The following RBFOX1 variants were observed in gnomAD, a reference collection of about 807,000 sequenced individuals.
RBFOX1 encodes the protein RNA binding protein fox-1 homolog 1.
A neutral mutation model predicts 57.7 loss-of-function variants in RBFOX1; 8 were observed. The ratio of observed to expected loss-of-function variants is 0.14; its 90% confidence interval spans 0.08 to 0.25. The LOEUF is 0.25. Among genes scored for constraint, RBFOX1 ranks in the 10% least tolerant of loss-of-function variants. The pLI is 1.00. For missense variants in RBFOX1, 611 were observed against 548.5 expected (o/e 1.11, Z -1.14); for synonymous variants, 326 against 222.4 (o/e 1.47, Z -4.15).
chr16:5,751,153 G>C (rs868555498), intron 3 of RBFOX1, among the ~76,000 whole-genome samples: 1 of 152,148 alleles, frequency 6.6e-6, no homozygotes, highest in Non-Finnish European at 1.5e-5. Flanking sequence ...AAGAAATTCT[G>C]CTTTCTGTTC....
At chr16:7,181,534 C>T (rs899015328) in intron 4 of RBFOX1, among the ~76,000 whole-genome samples, 1 of 148,016 alleles carries the variant, frequency 6.8e-6, no homozygotes, top group Non-Finnish European at 1.5e-5. Flanking sequence ...CCCTCCCTTG[C>T]TCTCTCTCTC....
At chr16:6,813,173 C>G (rs2089189923) in intron 3 of RBFOX1, among the ~76,000 whole-genome samples, 1 of 151,818 alleles carries the variant, frequency 6.6e-6, no homozygotes, top group Admixed American at 6.6e-5. Flanking sequence ...GCCACAATGA[C>G]TTCCTATAAC....
At position 6,932,082 on chromosome 16, in the gene RBFOX1, G is replaced by C. The variant is rs75751466; in HGVS notation, c.-15-119975G>C. On this transcript the variant is annotated intron_variant, in intron 3 of 15. Coordinates refer to ENST00000550418, the MANE Select transcript of RBFOX1 (RefSeq NM_018723.4). ...GAGCCTTCATGACCTGATCATCTTG[G>C]TTTTTGTTGTTGTTGTTTTTTGTTG... Among the ~76,000 whole-genome samples, 593 of 152,098 alleles carry C rather than the reference G, an allele frequency of 3.9e-3. 4 individuals carry two copies. Among genetic ancestry groups the C allele is most frequent in the African/African-American group, 0.014 (564 of 41,502 alleles).
intron 5 of RBFOX1, among the ~76,000 whole-genome samples, chr16:7,574,580 G>T (rs1210879370): frequency 6.6e-6 from 1 of 152,150 alleles, no homozygotes; most frequent in African/African-American, 2.4e-5. Context: ...AGAGTTGTAG[G>T]CTGGAAGACT....
chr16:6,659,044 C>T (rs770058409), intron 3 of RBFOX1, among the ~76,000 whole-genome samples: 4 of 151,398 alleles, frequency 2.6e-5, no homozygotes, highest in Non-Finnish European at 4.4e-5. Flanking sequence ...TGTATGGCCT[C>T]ACAAAACCCG....
chr16:5,984,400 A>C (rs923814618), intron 4 of RBFOX1, among the ~76,000 whole-genome samples: 2 of 151,662 alleles, frequency 1.3e-5, no homozygotes, highest in African/African-American at 4.8e-5. Context: ...GAAGCAAAGA[A>C]GGAAAACTGC....
At chr16:7,105,525 A>G (rs1206415131) in intron 4 of RBFOX1, among the ~76,000 whole-genome samples, 4 of 151,910 alleles carry the variant, frequency 2.6e-5, no homozygotes, top group Non-Finnish European at 5.9e-5. Flanking sequence ...TGTCATTCTT[A>G]TGCCTTTGCT....
chr16:7,524,470 C>G (rs1293944217), intron 5 of RBFOX1, among the ~76,000 whole-genome samples: 3 of 152,236 alleles, frequency 2.0e-5, no homozygotes, highest in Non-Finnish European at 2.9e-5. Flanking sequence ...GATACTGTTC[C>G]TGACAAGGTA....
At chr16:6,835,834 C>T (rs779178857) in intron 3 of RBFOX1, among the ~76,000 whole-genome samples, 23 of 147,838 alleles carry the variant, frequency 1.6e-4, no homozygotes, top group Admixed American at 1.1e-3. Flanking sequence ...GACAGTTCTA[C>T]TCCATAATGT....
chr16:7,599,364 G>A (rs1429958373), intron 9 of RBFOX1, among the ~76,000 whole-genome samples: 2 of 152,206 alleles, frequency 1.3e-5, no homozygotes, highest in African/African-American at 4.8e-5. Flanking sequence ...AGCGAGAAAA[G>A]CCAAATATTT....
At position 6,740,593 on chromosome 16, in the gene RBFOX1, A is replaced by G. The variant is rs1004388302; in HGVS notation, c.-16+85943A>G. On this transcript the variant is annotated intron_variant, in intron 3 of 15. Transcript: ENST00000550418. ...CAAAAACAGTTTCTAAATTTCTTAC[A>G]GTAAACAGATAAAAGCAACTTAAAA... Among the ~76,000 whole-genome samples, 4 of 152,356 alleles carry G rather than the reference A, an allele frequency of 2.6e-5. No individual in the cohort carries two copies. In the South Asian group the frequency reaches 8.3e-4, roughly 32 times the overall value.
chr16:6,602,205 A>T (rs1240742878), intron 2 of RBFOX1, among the ~76,000 whole-genome samples: 1 of 151,978 alleles, frequency 6.6e-6, no homozygotes, highest in East Asian at 1.9e-4. Flanking sequence ...AGTTCTTTAT[A>T]CATTCTCGGT....
intron 3 of RBFOX1, among the ~76,000 whole-genome samples, chr16:5,772,104 G>A (rs536813522): frequency 2.0e-5 from 3 of 151,552 alleles, no homozygotes; most frequent in Non-Finnish European, 2.9e-5. Context: ...CCTGGGAGGC[G>A]GAGGTTGCAA....
intron 2 of RBFOX1, among the ~76,000 whole-genome samples, chr16:6,532,650 C>T (rs888433994): frequency 2.6e-5 from 4 of 152,136 alleles, no homozygotes; most frequent in African/African-American, 4.8e-5. Flanking sequence ...AGATTTCTTC[C>T]TGCACATGCA....
intron 2 of RBFOX1, chr16:6,573,863 G>A (rs1278861272): frequency 6.6e-6 from 1 of 152,242 alleles, no homozygotes; most frequent in African/African-American, 2.4e-5. Context: ...TCCGGCAGCT[G>A]TCCTGTTTTC....
chr16:6,572,051 G>T (rs948240255), intron 2 of RBFOX1, among the ~76,000 whole-genome samples: 1 of 152,046 alleles, frequency 6.6e-6, no homozygotes, highest in Admixed American at 6.6e-5. Flanking sequence ...TAATATACAT[G>T]AAATAATAAA....
At position 7,145,303 on chromosome 16, in the gene RBFOX1, C is replaced by G. The variant is rs1020705035; in HGVS notation, c.27+93205C>G. 4.6e-5 allele frequency among the ~76,000 whole-genome samples: 7 copies of G among 152,260 alleles called. No individual in the cohort carries two copies. In the East Asian group the frequency reaches 1.4e-3, roughly 29 times the overall value. On this transcript the variant is annotated intron_variant, in intron 4 of 15. Coordinates refer to ENST00000550418, the MANE Select transcript of RBFOX1 (RefSeq NM_018723.4). Reference sequence around the variant, plus strand: ...CACTGCAGCCTCAACTTCCCGGGTACAAGAGATTCTCCTGCCTTAGCCTCC... The same window carrying G: ...CACTGCAGCCTCAACTTCCCGGGTAGAAGAGATTCTCCTGCCTTAGCCTCC...
intron 4 of RBFOX1, among the ~76,000 whole-genome samples, chr16:7,062,436 T>C (rs912666784): frequency 6.6e-6 from 1 of 152,170 alleles, no homozygotes; most frequent in Non-Finnish European, 1.5e-5. Flanking sequence ...TGTATGTGGA[T>C]GAATCATGGG....
In RBFOX1 at chr16:5,326,102, C is replaced by T. The variant is rs529703840; in HGVS notation, c.219+85997C>T. On this transcript the variant is annotated intron_variant, in intron 1 of 2. Transcript: ENST00000585867. ...GCAGTGTATGAGAGTTCCAGTTGCT[C>T]CACATCCTTGTCAGCACTTGGTATC... is the stretch of plus-strand genomic sequence containing the variant. Among the ~76,000 whole-genome samples, 20 of 152,094 alleles carry T rather than the reference C, an allele frequency of 1.3e-4. No individual in the cohort carries two copies. In the South Asian group the frequency reaches 1.5e-3, roughly 11 times the overall value.
Sources: gnomAD v4.1 joint callset for allele counts (sites outside exome capture counted in the v4.1 genomes callset) on GRCh38, gnomAD v4.1.1 for gene constraint, MANE v1.5 for transcripts, NCBI Gene and HGNC (gene_info 2026-07-23, HGNC 2026-07-21) for gene names.